FNBP4: variants seen among roughly 807,000 people sequenced by gnomAD.
The protein encoded by FNBP4 is formin binding protein 4.
In FNBP4, 34 loss-of-function variants were observed where a neutral mutation model predicts 119.3. The observed-to-expected ratio is 0.28, with a 90% CI of 0.22 to 0.38. The LOEUF (loss-of-function observed/expected upper bound fraction) is 0.38. Among genes scored for constraint, FNBP4 ranks in the 10% least tolerant of loss-of-function variants. The pLI is 1.00. For missense variants in FNBP4, 1,112 were observed against 1,228.9 expected, an observed-to-expected ratio of 0.90 and a Z score of 1.42; for synonymous variants, 462 against 430.6, an observed-to-expected ratio of 1.07 and a Z score of -0.90.
chr11:47,760,436 GT>G (rs111640171), intron 2 of FNBP4, among the ~76,000 whole-genome samples: 27,631 of 132,292 alleles, frequency 0.21, 2,909 homozygotes, highest in East Asian at 0.31. Flanking sequence ...GTATTTTTTT[GT>G]TTTTTTTTTT....
At chr11:47,726,411 T>A (rs1221508130) in intron 12 of FNBP4, 2 of 66,640 alleles carry the variant, frequency 3.0e-5, no homozygotes, top group African/African-American at 6.8e-5. Context: ...TTTTTAATTT[T>A]TTTTTTTTTT....
intron 8 of FNBP4, among the ~76,000 whole-genome samples, chr11:47,741,135 C>T (rs1386200743): frequency 6.6e-6 from 1 of 151,570 alleles, no homozygotes; most frequent in East Asian, 1.9e-4. Flanking sequence ...TCCCAAAGTG[C>T]TGGGATTACA....
chr11:47,750,688 C>CAAAAAAAAAAAAAAAAAAAAAAAAAA (rs67153479), intron 6 of FNBP4, among the ~76,000 whole-genome samples: 1 of 68,064 alleles, frequency 1.5e-5, no homozygotes, highest in Admixed American at 2.4e-4. Context: ...GACTCTGTCT[C>CAAAAAAAAAAAAAAAAAAAAAAAAAA]AAAAAAAAAA....
At chr11:47,731,827 T>C (rs2097567786) in intron 11 of FNBP4, 2 of 1,139,176 alleles carry the variant, frequency 1.8e-6, no homozygotes, top group East Asian at 9.2e-5. Context: ...ACTTTTCTCT[T>C]TTTTTGTGAT....
chr11:47,730,001 C>T, intron 12 of FNBP4: 2 of 985,412 alleles, frequency 2.0e-6, no homozygotes, highest in Non-Finnish European at 2.4e-6. Flanking sequence ...CCTCCTTTTA[C>T]CAGACAGTAT....
intron 7 of FNBP4, among the ~76,000 whole-genome samples, chr11:47,744,942 T>C (rs184390697): frequency 5.9e-5 from 9 of 152,356 alleles, no homozygotes; most frequent in African/African-American, 1.7e-4. Context: ...AAGGACCAGC[T>C]GAAGCCATGG....
Position 47,732,290 on chromosome 11 carries a change from G to A in FNBP4, c.1820+247C>T. ...GCCCTACTCCGTGCAACACTCTGGA[G>A]AGTAAAAACCAGCTTTGTCCATATC... On this transcript the variant is annotated intron_variant, in intron 11 of 16. Transcript: ENST00000263773. This position sits in a 1 kb window ranked among gnomAD's most constrained non-coding sequence, Gnocchi z 4.2. 1 of 1,356,722 alleles carries A rather than the reference G, an allele frequency of 7.4e-7. No homozygotes were observed. Among genetic ancestry groups the A allele is most frequent in the East Asian group, 3.0e-5 (1 of 33,254 alleles). The allele number at this position is 1,356,722 out of a possible 1,614,324, so 84.0% of individuals were successfully genotyped here.
chr11:47,732,945 C>G lies in FNBP4; in HGVS notation c.1687-275G>C, dbSNP rs761889836. On this transcript the variant is annotated intron_variant, in intron 10 of 16. Coordinates refer to ENST00000263773, the MANE Select transcript of FNBP4 (RefSeq NM_015308.5). The surrounding 1 kb of genome is among the most constrained non-coding windows in gnomAD (Gnocchi z 4.2). ...CCAGCCTGGCCAACAAGGTGAGACCCTGTCTGTACTAAAAATACAAAAATT... is the reference window on the plus strand; with the variant it reads ...CCAGCCTGGCCAACAAGGTGAGACCGTGTCTGTACTAAAAATACAAAAATT... 2.0e-5 allele frequency among the ~76,000 whole-genome samples: 3 copies of G among 152,128 alleles called. No individual in the cohort carries two copies. Among genetic ancestry groups the G allele is most frequent in the Non-Finnish European group, 2.9e-5 (2 of 68,014 alleles).
chr11:47,728,661 C>G (rs2097563925), intron 12 of FNBP4, among the ~76,000 whole-genome samples: 1 of 151,968 alleles, frequency 6.6e-6, no homozygotes, highest in African/African-American at 2.4e-5. Flanking sequence ...CTCAGCCTTC[C>G]AAGTAGCTAG....
At chr11:47,758,869 G>C (rs1037708516) in intron 2 of FNBP4, among the ~76,000 whole-genome samples, 2 of 151,936 alleles carry the variant, frequency 1.3e-5, no homozygotes, top group East Asian at 1.9e-4. Context: ...AAAAAAGCGG[G>C]GGGGAAAAGA....
At chr11:47,731,235 T>G in intron 12 of FNBP4, 139 bp downstream of exon 12, 1 of 761,664 alleles carries the variant, frequency 1.3e-6, no homozygotes, top group South Asian at 2.5e-5. Flanking sequence ...AACTCATGCA[T>G]TCCTTGTTTT....
chr11:47,738,685 T>A (rs1414778272), intron 8 of FNBP4, among the ~76,000 whole-genome samples: 2 of 151,998 alleles, frequency 1.3e-5, no homozygotes, highest in East Asian at 3.9e-4. Context: ...GCTTTTAATA[T>A]TTTAAACTTT....
intron 4 of FNBP4, 148 bp downstream of exon 4, chr11:47,752,768 C>G: frequency 3.0e-6 from 2 of 661,714 alleles, no homozygotes; most frequent in Non-Finnish European, 5.0e-6. Flanking sequence ...GAGCCAAGAT[C>G]GCGCCAGTGC....
chr11:47,726,346 T>C (rs2097560885), intron 12 of FNBP4: 1 of 151,562 alleles, frequency 6.6e-6, no homozygotes, highest in African/African-American at 2.4e-5. Flanking sequence ...GCGATCTTCC[T>C]ACCTCAGCTT....
At chr11:47,731,944 A>T (rs2097567953) in intron 11 of FNBP4, 5 of 1,001,786 alleles carry the variant, frequency 5.0e-6, no homozygotes, top group Non-Finnish European at 5.9e-6. Context: ...GTGAAAGGTG[A>T]CTCTTCCCCT....
intron 2 of FNBP4, among the ~76,000 whole-genome samples, chr11:47,758,893 A>C (rs1446863468): frequency 6.6e-6 from 1 of 151,584 alleles, no homozygotes; most frequent in Non-Finnish European, 1.5e-5. Context: ...AGAAATTTGC[A>C]AGGACGTTTC....
rs939568020 is a variant in FNBP4 at position 47,748,270 on chromosome 11, A to AAAAAT, written c.907-1881_907-1877dup. Among the ~76,000 whole-genome samples, 7 of 151,630 alleles carry AAAAAT rather than the reference A, an allele frequency of 4.6e-5. No homozygotes were observed. The South Asian group carries it at 6.2e-4, about 13-fold the overall frequency. ...AAAAAAAATAATAAAAATAAAAAAT[A>AAAAAT]AAAATAAAATAAAATAAAATAAAAT... On this transcript the variant is annotated intron_variant, in intron 6 of 16. Coordinates refer to ENST00000263773, the MANE Select transcript of FNBP4 (RefSeq NM_015308.5).
intron 16 of FNBP4, among the ~76,000 whole-genome samples, chr11:47,718,123 A>G (rs868703794): frequency 6.6e-6 from 1 of 151,992 alleles, no homozygotes; most frequent in Non-Finnish European, 1.5e-5. Flanking sequence ...AACACGTTCT[A>G]TTAGAGTTTT....
In FNBP4 at chr11:47,736,711, C is replaced by T. The variant is rs2097574626; in HGVS notation, c.1486G>A (p.Asp496Asn). The change falls in exon 9 of 17, where the codon GAT becomes AAT. Residue 496 changes from aspartate (D) to asparagine (N), a missense_variant. Transcript: ENST00000263773. ...TCCATCTCTTTATCTGAATTCTCAT[C>T]TATTTTTTCTGAATTTTCAGCACCA... ...AIGAENSEKI[D>N]ENSDKEMEVE... 1 of 1,603,312 alleles carries T rather than the reference C, an allele frequency of 6.2e-7. No individual in the cohort carries two copies. The highest frequency in any genetic ancestry group is 1.7e-5 in the Admixed American group (1 of 59,138).
Sources: gnomAD v4.1 joint callset for allele counts (sites outside exome capture counted in the v4.1 genomes callset) on GRCh38, gnomAD v4.1.1 for gene constraint, Gnocchi (gnomAD v3.1) non-coding constraint, MANE v1.5 for transcripts, NCBI Gene and HGNC (gene_info 2026-07-23, HGNC 2026-07-21) for gene names.